The following CUL3 variants were observed in gnomAD, a reference collection of about 807,000 sequenced individuals.
The protein encoded by CUL3 is cullin 3, also known as cullin-3.
CUL3 carries 19 observed loss-of-function variants against 89.1 expected under a neutral mutation model. The observed-to-expected ratio is 0.21, with a 90% CI of 0.15 to 0.31. CUL3 has a LOEUF of 0.31. Ranked by LOEUF, CUL3 falls within the 10% of genes least tolerant of loss-of-function variation. CUL3 has a pLI of 1.00. For synonymous variants in CUL3, 351 were observed against 308.4 expected (o/e 1.14, Z -1.45); for missense variants, 469 against 942.3 (o/e 0.50, Z 6.58).
chr2:224,483,325 G>C (rs1486899412), intron 13 of CUL3, among the ~76,000 whole-genome samples: 3 of 152,064 alleles, frequency 2.0e-5, no homozygotes, highest in Non-Finnish European at 4.4e-5. Flanking sequence ...ATTACCAAAA[G>C]TATTTTATAA....
intron 13 of CUL3, 36 bp from the exon 14 acceptor site, chr2:224,482,114 T>C: frequency 6.5e-7 from 1 of 1,536,638 alleles, no homozygotes; most frequent in Non-Finnish European, 8.8e-7. Context: ...TTAGACTTTT[T>C]GAAAGATTAA....
Position 224,525,457 on chromosome 2 carries a change from C to T in CUL3, c.378+10071G>A, listed in dbSNP as rs371816492. On this transcript the variant is annotated intron_variant, in intron 3 of 15. Coordinates refer to ENST00000264414, the MANE Select transcript of CUL3 (RefSeq NM_003590.5). The stretch of plus-strand genomic sequence containing the variant: ...TGGAGATAACATTCAACTTTAAGGT[C>T]AAGTATTTAAAACATGTGGCACAGT... Among the ~76,000 whole-genome samples, 329 of 152,070 alleles carry T rather than the reference C, an allele frequency of 2.2e-3. 4 individuals are homozygous for T. Among genetic ancestry groups the T allele is most frequent in the African/African-American group, 7.1e-3 (296 of 41,486 alleles).
In CUL3 at chr2:224,528,327, GT is replaced by G. The variant is rs140588616; in HGVS notation, c.378+7200del. ...TTTTCAAAGTCCATCACTCCAGTCT[GT>G]TTCTACAATCATATCGCCTTTTTTC... On this transcript the variant is annotated intron_variant, in intron 3 of 15. Transcript: ENST00000264414. Among the ~76,000 whole-genome samples the G allele has an allele frequency of 4.8e-3, 728 of 152,180 alleles. 2 individuals carry two copies. The highest frequency in any genetic ancestry group is 8.1e-3 in the Non-Finnish European group (553 of 68,014).
In CUL3 at chr2:224,511,492, T is replaced by C. The variant is rs1692823851; in HGVS notation, c.745A>G (p.Met249Val). 4 of 1,613,546 alleles carry C rather than the reference T, an allele frequency of 2.5e-6. No individual in the cohort carries two copies. The highest frequency in any genetic ancestry group is 1.3e-5 in the African/African-American group (1 of 74,910). Residue 249 changes from methionine (M) to valine (V), a missense_variant, in exon 6 of 16, where the codon ATG becomes GTG. Physicochemically the swap from Met to Val is conservative, Grantham distance 21 (BLOSUM62 1). Around this residue, in one of 4 missense-constraint regions of CUL3, gnomAD observed 370 missense variants for 733.2 expected, o/e 0.50. Transcript: ENST00000264414. The stretch of plus-strand genomic sequence containing the variant: ...TCCGTTGATTTGTCAAGGCAGTGCA[T>C]CACTCGTTCTATTTCTTCATTAATT... ...ARINEEIERV[M>V]HCLDKSTEEP...
At chr2:224,498,287 T>G (rs1460152950) in intron 11 of CUL3, among the ~76,000 whole-genome samples, 2 of 152,198 alleles carry the variant, frequency 1.3e-5, no homozygotes, top group Non-Finnish European at 1.5e-5. Context: ...TTTATGTAAT[T>G]TTTTCTTACA....
At chr2:224,578,432 A>G (rs1437990283) in intron 1 of CUL3, among the ~76,000 whole-genome samples, 1 of 152,148 alleles carries the variant, frequency 6.6e-6, no homozygotes, top group Non-Finnish European at 1.5e-5. Flanking sequence ...GAAAATGTTA[A>G]TGTTGTTTGT....
intron 13 of CUL3, among the ~76,000 whole-genome samples, chr2:224,484,894 C>G (rs1691660770): frequency 6.6e-6 from 1 of 152,132 alleles, no homozygotes; most frequent in South Asian, 2.1e-4. Flanking sequence ...GAGACTAATG[C>G]AGAAGGTGGG....
chr2:224,544,590 A>C (rs955754125), intron 2 of CUL3, among the ~76,000 whole-genome samples: 2 of 152,016 alleles, frequency 1.3e-5, no homozygotes, highest in Non-Finnish European at 2.9e-5. Flanking sequence ...GTCCTGCATT[A>C]ATCACATGTG....
intron 3 of CUL3, among the ~76,000 whole-genome samples, chr2:224,531,630 T>C (rs1359413113): frequency 6.6e-6 from 1 of 152,052 alleles, no homozygotes; most frequent in Non-Finnish European, 1.5e-5. Flanking sequence ...TGCAAAGGAA[T>C]AGTACTAGGT....
chr2:224,521,736 T>C (rs957340585), intron 3 of CUL3, among the ~76,000 whole-genome samples: 1 of 152,010 alleles, frequency 6.6e-6, no homozygotes, highest in Non-Finnish European at 1.5e-5. Flanking sequence ...TATTTATTAG[T>C]ACTTATTCAT....
chr2:224,568,328 A>G (rs1352866543), intron 1 of CUL3, among the ~76,000 whole-genome samples: 2 of 152,204 alleles, frequency 1.3e-5, no homozygotes, highest in Non-Finnish European at 2.9e-5. Context: ...AACCATCACT[A>G]CACTCCCATG....
intron 2 of CUL3, among the ~76,000 whole-genome samples, chr2:224,542,592 G>T (rs35260589): frequency 6.6e-6 from 1 of 151,932 alleles, no homozygotes; most frequent in Non-Finnish European, 1.5e-5. Context: ...TGCGTGTGTA[G>T]GTAAGGGGTC....
chr2:224,515,839 T>A (rs1032453664), intron 3 of CUL3, among the ~76,000 whole-genome samples: 1 of 152,076 alleles, frequency 6.6e-6, no homozygotes, highest in African/African-American at 2.4e-5. Context: ...ATTACAGGCA[T>A]ATACCATCAT....
intron 2 of CUL3, among the ~76,000 whole-genome samples, chr2:224,539,930 G>T (rs1397579735): frequency 6.6e-6 from 1 of 152,096 alleles, no homozygotes; most frequent in Admixed American, 6.5e-5. Flanking sequence ...GAGTGATGAC[G>T]TGTCAATGTA....
chr2:224,561,954 C>G (rs892196918), intron 1 of CUL3, among the ~76,000 whole-genome samples: 1 of 152,172 alleles, frequency 6.6e-6, no homozygotes, highest in Admixed American at 6.5e-5. Context: ...AAGTTAATGT[C>G]AACTATAAGC....
At chr2:224,515,933 G>A (rs1693022924) in intron 3 of CUL3, among the ~76,000 whole-genome samples, 1 of 151,964 alleles carries the variant, frequency 6.6e-6, no homozygotes, top group East Asian at 1.9e-4. Flanking sequence ...CAAGTGATCT[G>A]CCCACCTTGG....
intron 13 of CUL3, among the ~76,000 whole-genome samples, chr2:224,482,812 GTC>G: frequency 6.6e-6 from 1 of 152,174 alleles, no homozygotes; most frequent in East Asian, 1.9e-4. Flanking sequence ...ATATGATTTA[GTC>G]TCTACATGTC....
intron 11 of CUL3, 87 bp from the exon 12 acceptor site, chr2:224,497,936 T>TGTGTGTG: frequency 3.3e-6 from 3 of 922,994 alleles, no homozygotes; most frequent in Non-Finnish European, 5.2e-6. Context: ...CCTTAAACAT[T>TGTGTGTG]TGTGTGTGTG....
intron 3 of CUL3, among the ~76,000 whole-genome samples, chr2:224,531,822 G>A (rs1002691443): frequency 6.6e-6 from 1 of 152,176 alleles, no homozygotes; most frequent in African/African-American, 2.4e-5. Context: ...GATTTCAACA[G>A]GGCAGTGACA....
Sources: allele counts gnomAD v4.1 joint callset (sites outside exome capture counted in the v4.1 genomes callset), GRCh38; gene constraint gnomAD v4.1.1; regional missense constraint gnomAD v4.1.1; transcripts MANE v1.5; gene names NCBI Gene and HGNC (gene_info 2026-07-23, HGNC 2026-07-21).